Variants in FAM133A observed in about 807,000 individuals in gnomAD.
The protein encoded by FAM133A is family with sequence similarity 133 member A.
For synonymous variants in FAM133A, 65 were observed against 58.6 expected, an observed-to-expected ratio of 1.11 and a Z score of -0.50; for missense variants, 159 against 164.4, an observed-to-expected ratio of 0.97 and a Z score of 0.18.
chrX:93,704,648 G>A lies in FAM133A; in HGVS notation c.-103-4669G>A, dbSNP rs1267270921. On this transcript the variant is annotated intron_variant, in intron 3 of 3. Transcript: ENST00000683942. ...GTAGCCTTTAAAATAACTAGTTTTA[G>A]TGATATTTGTGGTAGAAACTACATT... Among the ~76,000 whole-genome samples, 3 of 111,725 alleles carry A rather than the reference G, an allele frequency of 2.7e-5. No individual in the cohort carries two copies. The Admixed American group carries it at 2.9e-4, about 11-fold the overall frequency.
chrX:93,679,958 T>A lies in FAM133A; in HGVS notation c.-193+5206T>A, dbSNP rs868455439. Among the ~76,000 whole-genome samples the A allele has an allele frequency of 1.6e-3, 113 of 72,857 alleles. 4 individuals carry two copies. The East Asian group carries it at 0.04, about 26-fold the overall frequency. The allele number at this position is 72,857 out of a possible 115,157, so 63.3% of individuals were successfully genotyped here. A position where few individuals can be genotyped will look rare whatever the true frequency, so the allele number is the denominator to read the frequency against. On this transcript the variant is annotated intron_variant, in intron 2 of 3. Coordinates refer to ENST00000683942, the MANE Select transcript of FAM133A (RefSeq NM_001171109.2). ...TTTTTTTTTTTTTTTTTTTTTTTTT[T>A]AGTAGAGACAGGGTTTCACCATATT...
chrX:93,692,375 T>G (rs963520326), intron 2 of FAM133A, among the ~76,000 whole-genome samples: 4 of 111,735 alleles, frequency 3.6e-5, no homozygotes, highest in African/African-American at 1.3e-4. Context: ...TTATGAGAAT[T>G]TATGTTCCAA....
chrX:93,680,516 T>C (rs180964718), intron 2 of FAM133A, among the ~76,000 whole-genome samples: 1 of 111,445 alleles, frequency 9.0e-6, no homozygotes, highest in African/African-American at 3.3e-5. Flanking sequence ...TTTTGAGGAA[T>C]GTCCATACTG....
intron 3 of FAM133A, among the ~76,000 whole-genome samples, chrX:93,702,277 G>A (rs1031542045): frequency 4.6e-4 from 51 of 110,890 alleles, no homozygotes; most frequent in African/African-American, 1.5e-3. Context: ...GGCTAATGCA[G>A]GGGTTATACA....
chrX:93,703,837 CTGTT>C (rs1202867998), intron 3 of FAM133A, among the ~76,000 whole-genome samples: 3 of 112,283 alleles, frequency 2.7e-5, no homozygotes, highest in Non-Finnish European at 3.8e-5. Context: ...CGGAGATTGA[CTGTT>C]TGTCACTTGA....
chrX:93,686,073 A>C (rs918330965), intron 2 of FAM133A, among the ~76,000 whole-genome samples: 2 of 92,061 alleles, frequency 2.2e-5, no homozygotes, highest in Non-Finnish European at 4.2e-5. Context: ...GCGCCACTGC[A>C]CTCCAGCCAG....
At chrX:93,699,592 C>G (rs1266324647) in intron 3 of FAM133A, among the ~76,000 whole-genome samples, 1 of 111,122 alleles carries the variant, frequency 9.0e-6, no homozygotes, top group African/African-American at 3.3e-5. Context: ...TATTTTCCAA[C>G]TTTTTCTTAT....
intron 2 of FAM133A, among the ~76,000 whole-genome samples, chrX:93,693,874 C>A (rs1322431341): frequency 9.0e-6 from 1 of 111,390 alleles, no homozygotes; most frequent in Non-Finnish European, 1.9e-5. Context: ...TGAAGTATTT[C>A]CACAGTGTAA....
intron 2 of FAM133A, among the ~76,000 whole-genome samples, chrX:93,685,484 A>G (rs987533346): frequency 2.7e-5 from 3 of 112,054 alleles, no homozygotes; most frequent in African/African-American, 6.5e-5. Flanking sequence ...CAAATGATCT[A>G]TGCATGCTTA....
intron 2 of FAM133A, among the ~76,000 whole-genome samples, chrX:93,682,272 T>A (rs1925221201): frequency 8.9e-6 from 1 of 112,304 alleles, no homozygotes; most frequent in South Asian, 3.7e-4. Context: ...ACATAGTGCA[T>A]GTCCAAACAG....
intron 3 of FAM133A, among the ~76,000 whole-genome samples, chrX:93,701,987 G>A (rs1483876467): frequency 8.9e-6 from 1 of 111,923 alleles, no homozygotes; most frequent in Non-Finnish European, 1.9e-5. Flanking sequence ...CTTTGTCGAT[G>A]ATGACTCAGT....
At chrX:93,677,173 T>A (rs1001201035) in intron 2 of FAM133A, among the ~76,000 whole-genome samples, 35 of 110,250 alleles carry the variant, frequency 3.2e-4, no homozygotes, top group South Asian at 3.8e-4. Context: ...GGGCTAAATG[T>A]TCATGCTTCT....
At chrX:93,695,440 G>C (rs928277390) in intron 2 of FAM133A, among the ~76,000 whole-genome samples, 5 of 105,312 alleles carry the variant, frequency 4.7e-5, no homozygotes, top group African/African-American at 1.4e-4. Context: ...TTTTAGTAGA[G>C]ATGGGTTTCA....
At chrX:93,683,833 C>A (rs540860776) in intron 2 of FAM133A, among the ~76,000 whole-genome samples, 3 of 110,826 alleles carry the variant, frequency 2.7e-5, no homozygotes, top group Admixed American at 9.6e-5. Context: ...GTCTATTCAG[C>A]TAATTTGCCA....
At chrX:93,686,187 C>T (rs1925519460) in intron 2 of FAM133A, among the ~76,000 whole-genome samples, 1 of 107,940 alleles carries the variant, frequency 9.3e-6, no homozygotes, top group African/African-American at 3.4e-5. Flanking sequence ...CTAAAATCTG[C>T]AGTCACTTCT....
chrX:93,690,040 G>GA lies in FAM133A; in HGVS notation c.-192-8346dup, dbSNP rs375155088. On this transcript the variant is annotated intron_variant, in intron 2 of 3. Transcript: ENST00000683942. ...AACCAACTATATGAGATGAAAACTG[G>GA]AAAAAAAAAAAGACTTAGAAGTCAG... 6.3e-3 allele frequency among the ~76,000 whole-genome samples: 631 copies of GA among 99,696 alleles called. 3 individuals carry two copies. The highest frequency in any genetic ancestry group is 0.02 in the African/African-American group (553 of 27,663). The allele number at this position is 99,696 out of a possible 115,157, so 86.6% of individuals were successfully genotyped here.
intron 3 of FAM133A, among the ~76,000 whole-genome samples, chrX:93,698,893 G>A (rs886526161): frequency 9.0e-6 from 1 of 111,124 alleles, no homozygotes; most frequent in Admixed American, 9.6e-5. Context: ...TAGAATCCAC[G>A]ATCTAGTGGG....
chrX:93,695,737 G>C (rs1358926855), intron 2 of FAM133A, among the ~76,000 whole-genome samples: 1 of 95,756 alleles, frequency 1.0e-5, no homozygotes, highest in Non-Finnish European at 2.1e-5. Flanking sequence ...CGCCTCCCGG[G>C]TTCATGCCAT....
chrX:93,682,873 C>G (rs1602792865), intron 2 of FAM133A, among the ~76,000 whole-genome samples: 1 of 111,532 alleles, frequency 9.0e-6, no homozygotes, highest in Non-Finnish European at 1.9e-5. Context: ...CCTCGGCCTC[C>G]CAAAGTGCTG....
Sources: allele counts gnomAD v4.1 joint callset (sites outside exome capture counted in the v4.1 genomes callset), GRCh38; gene constraint gnomAD v4.1.1; transcripts MANE v1.5; gene names NCBI Gene and HGNC (gene_info 2026-07-23, HGNC 2026-07-21).